Variants in BPTF observed in about 807,000 individuals in gnomAD.
BPTF encodes the protein bromodomain PHD finger transcription factor, also known as nucleosome-remodeling factor subunit BPTF.
In BPTF, 18 loss-of-function variants were observed where a neutral mutation model predicts 292.5. That is an observed-to-expected ratio of 0.06 (90% confidence interval 0.04 to 0.09). The LOEUF (loss-of-function observed/expected upper bound fraction) is 0.09, where lower values mean the gene tolerates loss of function less well. Ranked by LOEUF, BPTF falls within the 10% of genes least tolerant of loss-of-function variation. BPTF has a pLI of 1.00. For synonymous variants in BPTF, 1,225 were observed against 1,251.9 expected, an observed-to-expected ratio of 0.98 and a Z score of 0.45; for missense variants, 2,726 against 3,498.7, an observed-to-expected ratio of 0.78 and a Z score of 5.57.
intron 1 of BPTF, among the ~76,000 whole-genome samples, chr17:67,829,639 A>G (rs2056477182): frequency 6.6e-6 from 1 of 152,040 alleles, no homozygotes; most frequent in African/African-American, 2.4e-5. Context: ...GTGTAGATAG[A>G]AGAAAAAAAG....
rs781868787 is a variant in BPTF, at chr17:67,947,967, C to T, written c.7701-114C>T. Reference sequence around the variant, plus strand: ...CATAACTGGTTTGAACCACTCTTGACGTTTTCCAGTCACAGAAAGTTTTTG... The same window carrying T: ...CATAACTGGTTTGAACCACTCTTGATGTTTTCCAGTCACAGAAAGTTTTTG... On this transcript the variant is annotated intron_variant, in intron 22 of 27. Coordinates refer to ENST00000306378, the MANE Select transcript of BPTF (RefSeq NM_182641.4). The T allele has an allele frequency of 6.9e-5, 87 of 1,269,452 alleles. No individual in the cohort carries two copies. The East Asian group carries it at 1.1e-3, about 16-fold the overall frequency. 78.6% of individuals were successfully genotyped at this position (1,269,452 alleles called of 1,614,324 possible).
At chr17:67,959,503 T>C (rs1555682534) in intron 23 of BPTF, 38 bp from the exon 24 acceptor site, 1 of 1,466,172 alleles carries the variant, frequency 6.8e-7, no homozygotes, top group Non-Finnish European at 9.1e-7. Flanking sequence ...TTTACATGAC[T>C]CTAATGATAG....
intron 12 of BPTF, 97 bp downstream of exon 12, chr17:67,918,935 G>C: frequency 1.5e-6 from 2 of 1,301,068 alleles, no homozygotes; most frequent in Non-Finnish European, 2.1e-6. Context: ...CACTTTGGGA[G>C]GCTGAGGCAG....
At chr17:67,834,482 T>A (rs2056972291) in intron 1 of BPTF, among the ~76,000 whole-genome samples, 1 of 152,144 alleles carries the variant, frequency 6.6e-6, no homozygotes, top group South Asian at 2.1e-4. Flanking sequence ...GCTTGTTCTG[T>A]TGATTACTGA....
chr17:67,939,820 CA>C (rs1255932755), intron 18 of BPTF, among the ~76,000 whole-genome samples: 1 of 152,202 alleles, frequency 6.6e-6, no homozygotes, highest in Admixed American at 6.5e-5. Context: ...GCAGAGGTTG[CA>C]GTGAGCCAAG....
At chr17:67,905,401 C>CT (rs1278369116) in intron 9 of BPTF, among the ~76,000 whole-genome samples, 1 of 151,244 alleles carries the variant, frequency 6.6e-6, no homozygotes, top group African/African-American at 2.4e-5. Flanking sequence ...GAGCAAGACT[C>CT]TGTCTCAAAA....
At position 67,944,588 on chromosome 17, in the gene BPTF, AAGAG is replaced by A. The variant is rs879976860; in HGVS notation, c.6700+226_6700+229del. 19 of 568,762 alleles carry A rather than the reference AAGAG, an allele frequency of 3.3e-5. 1 individual carries two copies. The highest frequency in any genetic ancestry group is 1.9e-4 in the South Asian group (9 of 47,290). The allele number at this position is 568,762 out of a possible 1,614,324, so 35.2% of individuals were successfully genotyped here. On this transcript the variant is annotated intron_variant, in intron 20 of 27. Coordinates refer to ENST00000306378, the MANE Select transcript of BPTF (RefSeq NM_182641.4). ...CACCACCCTCTCCCTCCTATTAAAA[AAGAG>A]AGAGAGAGAAAGGGGGCAAAAATAA...
chr17:67,901,772 C>G (rs574599083), intron 7 of BPTF, among the ~76,000 whole-genome samples: 2 of 152,292 alleles, frequency 1.3e-5, no homozygotes, highest in Non-Finnish European at 2.9e-5. Flanking sequence ...GGTGTAGGAA[C>G]GCAGGGTGGC....
chr17:67,910,494 G>C (rs1286081730), intron 10 of BPTF, among the ~76,000 whole-genome samples: 2 of 152,078 alleles, frequency 1.3e-5, no homozygotes, highest in Non-Finnish European at 2.9e-5. Flanking sequence ...CATGTGGCTA[G>C]AGATACTTTA....
At chr17:67,898,360 TAAAAAG>T (rs1049861600) in intron 7 of BPTF, among the ~76,000 whole-genome samples, 12 of 152,286 alleles carry the variant, frequency 7.9e-5, no homozygotes, top group African/African-American at 2.9e-4. Context: ...GATGCTGTCT[TAAAAAG>T]AAAAAAGTTG....
intron 24 of BPTF, among the ~76,000 whole-genome samples, chr17:67,962,320 C>G (rs1376690566): frequency 6.6e-6 from 1 of 152,196 alleles, no homozygotes; most frequent in Non-Finnish European, 1.5e-5. Context: ...CAGTCTGGTT[C>G]CCTGTGATTC....
chr17:67,972,168 A>T (rs2068836188), intron 26 of BPTF, among the ~76,000 whole-genome samples: 1 of 152,110 alleles, frequency 6.6e-6, no homozygotes, highest in Non-Finnish European at 1.5e-5. Context: ...TTTCCTATTC[A>T]CATATTTCTT....
chr17:67,849,977 A>G (rs1391147848), intron 1 of BPTF, among the ~76,000 whole-genome samples: 2 of 152,120 alleles, frequency 1.3e-5, no homozygotes, highest in African/African-American at 4.8e-5. Context: ...ACTCTATTCT[A>G]GGCCTATTGA....
At chr17:67,923,471 CTTTTTTTTTTTTTTTT>C (rs58462646) in intron 14 of BPTF, among the ~76,000 whole-genome samples, 5 of 67,516 alleles carry the variant, frequency 7.4e-5, no homozygotes, top group African/African-American at 2.3e-4. Flanking sequence ...CTCTCTCTGT[CTTTTTTTTTTTTTTTT>C]TTTTTTTTTT....
At chr17:67,905,816 T>G (rs571862414) in intron 9 of BPTF, among the ~76,000 whole-genome samples, 1 of 152,220 alleles carries the variant, frequency 6.6e-6, no homozygotes, top group East Asian at 1.9e-4. Flanking sequence ...TGATAGAGGC[T>G]TCCAAAACAC....
intron 7 of BPTF, among the ~76,000 whole-genome samples, chr17:67,899,010 GAC>G (rs546032270): frequency 5.2e-4 from 78 of 151,378 alleles, no homozygotes; most frequent in African/African-American, 1.8e-3. Flanking sequence ...TCAAGATATA[GAC>G]ACAATTATTA....
In BPTF at chr17:67,833,871, A is replaced by G. The variant is rs560443069; in HGVS notation, c.613+7534A>G. 2.0e-5 allele frequency among the ~76,000 whole-genome samples: 3 copies of G among 152,286 alleles called. No homozygotes were observed. The East Asian group carries it at 5.8e-4, about 29-fold the overall frequency. ...GTGTGAGCCACCGTGCCTGGAAGAA[A>G]GTAATTCAGGAGTTAGAATGAATCC... is the stretch of plus-strand genomic sequence containing the variant. On this transcript the variant is annotated intron_variant, in intron 1 of 27. Transcript: ENST00000306378.
intron 4 of BPTF, among the ~76,000 whole-genome samples, chr17:67,887,933 C>T (rs1463293813): frequency 2.0e-5 from 3 of 152,166 alleles, no homozygotes; most frequent in Non-Finnish European, 4.4e-5. Context: ...ATCAGAAGCC[C>T]TTGAGGAAGG....
chr17:67,867,033 G>A (rs1326401755), intron 3 of BPTF, among the ~76,000 whole-genome samples: 2 of 152,214 alleles, frequency 1.3e-5, no homozygotes, highest in Admixed American at 6.5e-5. Flanking sequence ...AAGGTAATAC[G>A]TATAATCTTA....
Sources: gnomAD v4.1 joint callset for allele counts (sites outside exome capture counted in the v4.1 genomes callset) on GRCh38, gnomAD v4.1.1 for gene constraint, MANE v1.5 for transcripts, NCBI Gene and HGNC (gene_info 2026-07-23, HGNC 2026-07-21) for gene names.